RANBP2: variants seen among roughly 807,000 people sequenced by gnomAD.
The protein encoded by RANBP2 is E3 SUMO-protein ligase RanBP2.
A neutral mutation model predicts 303.6 loss-of-function variants in RANBP2; 57 were observed. The observed-to-expected ratio is 0.19, with a 90% CI of 0.15 to 0.23. The LOEUF (loss-of-function observed/expected upper bound fraction) is 0.23. Among genes scored for constraint, RANBP2 ranks in the 10% least tolerant of loss-of-function variants. RANBP2 has a pLI of 1.00. For missense variants in RANBP2, 3,138 were observed against 3,780.8 expected (o/e 0.83, Z 4.46); for synonymous variants, 1,167 against 1,301.5 (o/e 0.90, Z 2.23).
the RANBP2 span, among the ~76,000 whole-genome samples, chr2:109,176,141 G>C: frequency 6.6e-6 from 1 of 152,220 alleles, no homozygotes; most frequent in African/African-American, 2.4e-5. Context: ...ACTTGGCCCA[G>C]TGCTAAATCT....
At chr2:108,753,337 C>G in intron 13 of RANBP2, 89 bp from the exon 14 acceptor site, 1 of 1,601,900 alleles carries the variant, frequency 6.2e-7, no homozygotes, top group South Asian at 1.1e-5. Flanking sequence ...ATGTTTGTCT[C>G]TTAAGATCAT....
At chr2:109,671,926 T>A in the RANBP2 span, among the ~76,000 whole-genome samples, 1 of 152,200 alleles carries the variant, frequency 6.6e-6, no homozygotes, top group Non-Finnish European at 1.5e-5. Flanking sequence ...CAGTCTGTTT[T>A]TTCTTTTTCT....
chr2:109,202,510 G>T, the RANBP2 span, among the ~76,000 whole-genome samples: 1 of 152,152 alleles, frequency 6.6e-6, no homozygotes, highest in Non-Finnish European at 1.5e-5. Flanking sequence ...CACATGTCTG[G>T]GTAGCTGGTG....
chr2:108,948,714 A>G, the RANBP2 span, among the ~76,000 whole-genome samples: 1 of 152,140 alleles, frequency 6.6e-6, no homozygotes, highest in Non-Finnish European at 1.5e-5. Flanking sequence ...CATGGGGAAA[A>G]CTGCTCCCAT....
the RANBP2 span, among the ~76,000 whole-genome samples, chr2:109,400,705 T>C: frequency 1.3e-5 from 2 of 152,078 alleles, no homozygotes; most frequent in Admixed American, 1.3e-4. Context: ...TGCACGCATA[T>C]GTGTGCACAC....
chr2:109,331,587 C>A, the RANBP2 span, among the ~76,000 whole-genome samples: 2 of 152,274 alleles, frequency 1.3e-5, no homozygotes, highest in South Asian at 4.1e-4. Flanking sequence ...GGAGTACTTA[C>A]GGTCTTCACT....
the RANBP2 span, among the ~76,000 whole-genome samples, chr2:109,357,972 G>T: frequency 6.6e-6 from 1 of 152,118 alleles, no homozygotes; most frequent in Non-Finnish European, 1.5e-5. Context: ...TCTACTGATG[G>T]AGATGTCATG....
chr2:109,322,729 T>C, the RANBP2 span, among the ~76,000 whole-genome samples: 2 of 152,220 alleles, frequency 1.3e-5, no homozygotes, highest in African/African-American at 4.8e-5. Context: ...AAGAGGTAGA[T>C]GATCAGCTCA....
At chr2:108,921,212 G>A in the RANBP2 span, among the ~76,000 whole-genome samples, 1,202 of 152,244 alleles carry the variant, frequency 7.9e-3, 23 homozygotes, top group African/African-American at 0.026. Flanking sequence ...CCTGGGAGGT[G>A]TGGGGCAGAG....
chr2:109,226,622 C>G, the RANBP2 span, among the ~76,000 whole-genome samples: 3 of 152,180 alleles, frequency 2.0e-5, no homozygotes, highest in South Asian at 2.1e-4. Flanking sequence ...GCTCCCCTTT[C>G]CTGAGTGTTT....
the RANBP2 span, among the ~76,000 whole-genome samples, chr2:108,828,662 G>A: frequency 0.022 from 3,300 of 152,240 alleles, 113 homozygotes; most frequent in African/African-American, 0.076. Context: ...AAATGAGTAT[G>A]AGCCTTACCT....
the RANBP2 span, among the ~76,000 whole-genome samples, chr2:108,888,832 T>C: frequency 6.6e-6 from 1 of 152,022 alleles, no homozygotes; most frequent in South Asian, 2.1e-4. Context: ...TTATTTCTTT[T>C]TGTCTATTTT....
chr2:109,078,098 A>ATATATATGGCG, the RANBP2 span, among the ~76,000 whole-genome samples: 8 of 60,056 alleles, frequency 1.3e-4, 1 homozygote, highest in African/African-American at 6.0e-4. Flanking sequence ...ATATATATAT[A>ATATATATGGCG]TATATATATA....
At chr2:108,786,396 A>G (rs947035139), downstream of RANBP2, among the ~76,000 whole-genome samples, 2 of 151,774 alleles carry the variant, frequency 1.3e-5, no homozygotes, top group Non-Finnish European at 2.9e-5. Flanking sequence ...CCCGGCTCAG[A>G]TATACTCTTG....
intron 6 of RANBP2, among the ~76,000 whole-genome samples, chr2:108,738,103 T>C (rs1695762947): frequency 6.7e-6 from 1 of 149,890 alleles, no homozygotes; most frequent in African/African-American, 2.5e-5. Flanking sequence ...TGAGACGGAG[T>C]CTCGCTCTGT....
chr2:109,553,107 A>G, the RANBP2 span: 6 of 1,613,010 alleles, frequency 3.7e-6, no homozygotes, highest in African/African-American at 5.3e-5. Flanking sequence ...GCTTCTTTCA[A>G]TATGGCTTCT....
At chr2:109,598,471 T>C in the RANBP2 span, among the ~76,000 whole-genome samples, 1 of 152,208 alleles carries the variant, frequency 6.6e-6, no homozygotes, top group African/African-American at 2.4e-5. Context: ...TGGGATTCTA[T>C]GAGGTCTTTT....
At chr2:109,009,380 T>C in the RANBP2 span, among the ~76,000 whole-genome samples, 1 of 151,932 alleles carries the variant, frequency 6.6e-6, no homozygotes, top group East Asian at 1.9e-4. Flanking sequence ...AATAATAACA[T>C]ATTTTTTCCT....
At chr2:109,039,439 C>T in the RANBP2 span, among the ~76,000 whole-genome samples, 1 of 152,234 alleles carries the variant, frequency 6.6e-6, no homozygotes, top group Non-Finnish European at 1.5e-5. Flanking sequence ...CAGCCTCCAC[C>T]TCCTGGGTTC....
Sources: gnomAD v4.1 joint callset for allele counts (sites outside exome capture counted in the v4.1 genomes callset) on GRCh38, gnomAD v4.1.1 for gene constraint, MANE v1.5 for transcripts, NCBI Gene and HGNC (gene_info 2026-07-23, HGNC 2026-07-21) for gene names.